Variants in INTS6L observed in about 807,000 individuals in gnomAD.
The protein encoded by INTS6L is integrator complex subunit 6 like.
INTS6L carries 18 observed loss-of-function variants against 64.7 expected under a neutral mutation model. The ratio of observed to expected loss-of-function variants is 0.28; its 90% CI spans 0.19 to 0.41. The LOEUF is 0.41. INTS6L is among the 10% of genes least tolerant of loss of function. INTS6L has a pLI of 1.00. For missense variants in INTS6L, 533 were observed against 661.0 expected, an observed-to-expected ratio of 0.81 and a Z score of 2.12; for synonymous variants, 227 against 235.9, an observed-to-expected ratio of 0.96 and a Z score of 0.34.
chrX:135,542,755 C>A (rs2086257510), intron 2 of INTS6L, among the ~76,000 whole-genome samples: 1 of 111,254 alleles, frequency 9.0e-6, no homozygotes. Flanking sequence ...AAAAATTATA[C>A]CTTGAACTAC....
intron 9 of INTS6L, among the ~76,000 whole-genome samples, chrX:135,559,756 A>G (rs1250338625): frequency 2.7e-5 from 3 of 112,355 alleles, no homozygotes; most frequent in South Asian, 3.6e-4. Flanking sequence ...CATTCCCACT[A>G]TTAGTGTATG....
At chrX:135,551,712 T>C (rs899504931) in intron 7 of INTS6L, among the ~76,000 whole-genome samples, 4 of 112,035 alleles carry the variant, frequency 3.6e-5, no homozygotes, top group South Asian at 3.7e-4. Flanking sequence ...CTTAAACATA[T>C]TCAAAACAGT....
intron 8 of INTS6L, among the ~76,000 whole-genome samples, chrX:135,555,956 C>G (rs2086638332): frequency 8.9e-6 from 1 of 112,226 alleles, no homozygotes; most frequent in African/African-American, 3.2e-5. Flanking sequence ...CCCAAAGTGT[C>G]AGGATTATAA....
chrX:135,545,886 C>G (rs1556514914), intron 3 of INTS6L, among the ~76,000 whole-genome samples: 1 of 111,403 alleles, frequency 9.0e-6, no homozygotes, highest in South Asian at 3.8e-4. Context: ...CTCTGCCCCT[C>G]CCAATTTGAT....
At chrX:135,572,399 A>C (rs924175372) in intron 11 of INTS6L, 2 of 116,723 alleles carry the variant, frequency 1.7e-5, no homozygotes, top group South Asian at 6.7e-4. Flanking sequence ...TTTCAGATAT[A>C]ATGCCAGTCG....
Position 135,533,075 on chromosome X carries a change from T to TCAAAAA in INTS6L, c.189+11782_189+11787dup, listed in dbSNP as rs781814215. On this transcript the variant is annotated intron_variant, in intron 2 of 17. Transcript: ENST00000639893. Reference sequence around the variant, plus strand: ...CTGTGCCACAAAGTGAGATCCTGTCTCAAAAACAAAAACAAAAACAAAAAC... The same window carrying TCAAAAA: ...CTGTGCCACAAAGTGAGATCCTGTCTCAAAAACAAAAACAAAAACAAAAACAAAAAC... Among the ~76,000 whole-genome samples the TCAAAAA allele has an allele frequency of 1.9e-3, 206 of 109,787 alleles. 3 individuals are homozygous for TCAAAAA. Among genetic ancestry groups the TCAAAAA allele is most frequent in the African/African-American group, 5.8e-3 (172 of 29,606 alleles).
chrX:135,529,367 C>T lies in INTS6L; in HGVS notation c.189+8049C>T, dbSNP rs374930133. Among the ~76,000 whole-genome samples the T allele has an allele frequency of 5.4e-5, 6 of 111,576 alleles. No homozygotes were observed. In the East Asian group the frequency reaches 1.1e-3, roughly 21 times the overall value. On this transcript the variant is annotated intron_variant, in intron 2 of 17. Coordinates refer to ENST00000639893, the MANE Select transcript of INTS6L (RefSeq NM_001351601.3). ...TGAGAGCTTTCTTGATGTTCCCCAGCGGAGCCCTTGTCTTATATCATGGCA... is the reference window on the plus strand; with the variant it reads ...TGAGAGCTTTCTTGATGTTCCCCAGTGGAGCCCTTGTCTTATATCATGGCA...
chrX:135,551,506 TCTA>T (rs1451791695), intron 7 of INTS6L, among the ~76,000 whole-genome samples: 3 of 112,227 alleles, frequency 2.7e-5, no homozygotes, highest in Non-Finnish European at 3.8e-5. Flanking sequence ...TCTCCATCCC[TCTA>T]CTATTTTTCA....
At chrX:135,561,975 A>C (rs782431310) in intron 9 of INTS6L, among the ~76,000 whole-genome samples, 2 of 111,704 alleles carry the variant, frequency 1.8e-5, no homozygotes, top group Non-Finnish European at 3.8e-5. Context: ...ATCTCATCAA[A>C]GAACCAGCTG....
chrX:135,522,021 C>A (rs1407521404), intron 2 of INTS6L, among the ~76,000 whole-genome samples: 1 of 111,461 alleles, frequency 9.0e-6, no homozygotes. Context: ...CTCACCACCC[C>A]CGCGCAATCG....
intron 8 of INTS6L, among the ~76,000 whole-genome samples, chrX:135,554,819 A>T: frequency 9.2e-6 from 1 of 109,275 alleles, no homozygotes; most frequent in East Asian, 2.8e-4. Flanking sequence ...GGAGTAAGAA[A>T]ATAGTCATAT....
Position 135,540,716 on chromosome X carries a change from GCTC to G in INTS6L, c.190-4685_190-4683del, listed in dbSNP as rs149159206. 3.8e-3 allele frequency among the ~76,000 whole-genome samples: 370 copies of G among 97,342 alleles called. 6 individuals are homozygous for G. Among genetic ancestry groups the G allele is most frequent in the Admixed American group, 0.03 (266 of 8,790 alleles). 84.5% of individuals were successfully genotyped at this position (97,342 alleles called of 115,157 possible). ...GGCTTACTATTCAAGCCTCCTAGCTGCTCCTCCTCCTCCTCCTCCTCCTCTTCC... is the reference window on the plus strand; with the variant it reads ...GGCTTACTATTCAAGCCTCCTAGCTGCTCCTCCTCCTCCTCCTCCTCTTCC... On this transcript the variant is annotated intron_variant, in intron 2 of 17. Transcript: ENST00000639893.
intron 2 of INTS6L, among the ~76,000 whole-genome samples, chrX:135,537,831 C>G (rs1204663822): frequency 1.8e-5 from 2 of 112,498 alleles, no homozygotes; most frequent in Non-Finnish European, 3.8e-5. Context: ...TTTTTGCTTT[C>G]CCAATTCATG....
intron 3 of INTS6L, among the ~76,000 whole-genome samples, chrX:135,546,178 A>C (rs1304852221): frequency 2.3e-4 from 26 of 112,055 alleles, no homozygotes; most frequent in Non-Finnish European, 9.4e-5. Context: ...GAATTATAAG[A>C]ATTCCTCAGT....
intron 8 of INTS6L, among the ~76,000 whole-genome samples, chrX:135,553,699 T>G (rs1331431555): frequency 1.3e-4 from 14 of 110,679 alleles, no homozygotes; most frequent in African/African-American, 4.3e-4. Flanking sequence ...TCTATACTTA[T>G]AGTTTACCCC....
chrX:135,544,424 TGGTTTATCTC>T (rs1556514121), intron 2 of INTS6L, among the ~76,000 whole-genome samples: 2 of 112,026 alleles, frequency 1.8e-5, no homozygotes, highest in African/African-American at 6.5e-5. Flanking sequence ...TCAAATGGTT[TGGTTTATCTC>T]GGTATCATTT....
At chrX:135,557,482 C>T (rs1556519888) in intron 9 of INTS6L, among the ~76,000 whole-genome samples, 3 of 111,494 alleles carry the variant, frequency 2.7e-5, no homozygotes, top group African/African-American at 9.8e-5. Flanking sequence ...TAAGTATATA[C>T]GCATTAAACC....
chrX:135,576,023 G>A (rs1292679815), intron 14 of INTS6L, among the ~76,000 whole-genome samples: 1 of 111,246 alleles, frequency 9.0e-6, no homozygotes, highest in Non-Finnish European at 1.9e-5. Flanking sequence ...GTAGCACTGG[G>A]GATAATAATT....
At position 135,520,685 on chromosome X, in the gene INTS6L, C is replaced by G. The variant is rs782540070; in HGVS notation, c.-308C>G. 3 of 304,369 alleles carry G rather than the reference C, an allele frequency of 9.9e-6. No individual in the cohort carries two copies. The highest frequency in any genetic ancestry group is 7.3e-5 in the South Asian group (1 of 13,615). The allele number at this position is 304,369 out of a possible 1,213,427, so 25.1% of individuals were successfully genotyped here. A position where few individuals can be genotyped will look rare whatever the true frequency, so the allele number is the denominator to read the frequency against. On this transcript the variant is annotated 5_prime_UTR_variant, in exon 1 of 18. Transcript: ENST00000639893. ...AGTCTGGGGCGAGCGCTCTAGTGAG[C>G]GCGGACGGATGCTTAGGCAGTAGTC...
Sources: gnomAD v4.1 joint callset for allele counts (sites outside exome capture counted in the v4.1 genomes callset) on GRCh38, gnomAD v4.1.1 for gene constraint, MANE v1.5 for transcripts, NCBI Gene and HGNC (gene_info 2026-07-23, HGNC 2026-07-21) for gene names.